The following PTCHD4 variants were observed in gnomAD, a reference collection of about 807,000 sequenced individuals.
The protein encoded by PTCHD4 is patched domain-containing protein 4.
In PTCHD4, 33 loss-of-function variants were observed where a neutral mutation model predicts 58.1. The ratio of observed to expected loss-of-function variants is 0.57; its 90% confidence interval spans 0.43 to 0.76. The LOEUF is 0.76. PTCHD4 is among the 30% of genes least tolerant of loss of function. The pLI is 0.00. For synonymous variants in PTCHD4, 478 were observed against 409.6 expected, an observed-to-expected ratio of 1.17 and a Z score of -2.02; for missense variants, 1,058 against 1,027.1, an observed-to-expected ratio of 1.03 and a Z score of -0.41.
intron 4 of PTCHD4, among the ~76,000 whole-genome samples, chr6:47,999,980 C>T (rs1229145391): frequency 6.6e-6 from 1 of 152,158 alleles, no homozygotes; most frequent in African/African-American, 2.4e-5. Flanking sequence ...TTTCTATACT[C>T]CGTGCTGTTG....
At chr6:47,988,424 A>G (rs1008909990) in intron 4 of PTCHD4, among the ~76,000 whole-genome samples, 2 of 152,228 alleles carry the variant, frequency 1.3e-5, no homozygotes, top group Non-Finnish European at 2.9e-5. Flanking sequence ...TATACCAATG[A>G]CAAACAGCAG....
At position 48,068,133 on chromosome 6, in the gene PTCHD4, C is replaced by T. The variant is rs1349794771; in HGVS notation, c.417+97G>A. The T allele has an allele frequency of 1.5e-6, 2 of 1,351,768 alleles. No homozygotes were observed. The highest frequency in any genetic ancestry group is 2.9e-5 in the African/African-American group (2 of 68,538). 83.7% of individuals were successfully genotyped at this position (1,351,768 alleles called of 1,614,324 possible). ...GAGACGGCAGCCTGCCTGAGATCCT[C>T]TAGCACTGAAATAATATCATCCAGC... is the stretch of plus-strand genomic sequence containing the variant. On this transcript the variant is annotated intron_variant, in intron 3 of 4. Coordinates refer to ENST00000339488, the MANE Select transcript of PTCHD4 (RefSeq NM_001384253.1). The surrounding 1 kb of genome is among the most constrained non-coding windows in gnomAD (Gnocchi z 4.2).
At chr6:48,012,879 T>A (rs113909879) in intron 3 of PTCHD4, among the ~76,000 whole-genome samples, 9,193 of 152,268 alleles carry the variant, frequency 0.06, 382 homozygotes, top group African/African-American at 0.11. Flanking sequence ...TTACATTTAT[T>A]GATTTGCATA....
chr6:47,925,359 C>T (rs1765574331), intron 4 of PTCHD4, among the ~76,000 whole-genome samples: 1 of 152,006 alleles, frequency 6.6e-6, no homozygotes, highest in Admixed American at 6.6e-5. Flanking sequence ...TGTTGATATT[C>T]CTATATCATG....
chr6:47,887,984 C>T (rs1189969355), intron 4 of PTCHD4, among the ~76,000 whole-genome samples: 1 of 152,150 alleles, frequency 6.6e-6, no homozygotes, highest in East Asian at 1.9e-4. Flanking sequence ...GAGGGAGGGC[C>T]TCGCTTTATC....
chr6:47,874,160 C>T lies in PTCHD4; in HGVS notation c.*4143G>A, dbSNP rs1249389639. On this transcript the variant is annotated 3_prime_UTR_variant, in exon 5 of 5. Coordinates refer to ENST00000339488, the MANE Select transcript of PTCHD4 (RefSeq NM_001384253.1). ...ATACAGAATATACTAGGCCCTTTGC[C>T]TGGAAGCCAGATTTCACTTCTGAGA... Among the ~76,000 whole-genome samples the T allele has an allele frequency of 1.3e-5, 2 of 151,688 alleles. No individual in the cohort carries two copies. Among genetic ancestry groups the T allele is most frequent in the Non-Finnish European group, 3.0e-5 (2 of 67,788 alleles).
chr6:47,897,383 A>G (rs1271186841), intron 4 of PTCHD4, among the ~76,000 whole-genome samples: 2 of 152,202 alleles, frequency 1.3e-5, no homozygotes, highest in Admixed American at 6.5e-5. Context: ...GCTTGCTCTC[A>G]GCTTTCTCAT....
intron 3 of PTCHD4, among the ~76,000 whole-genome samples, chr6:48,009,403 G>A (rs45550740): frequency 0.015 from 2,311 of 152,232 alleles, 34 homozygotes; most frequent in Non-Finnish European, 0.025. Context: ...CTCATATCCC[G>A]ATTCCCAACA....
chr6:47,873,006 A>G lies in PTCHD4; in HGVS notation c.*5297T>C, dbSNP rs924985502. On this transcript the variant is annotated 3_prime_UTR_variant, in exon 5 of 5. Coordinates refer to ENST00000339488, the MANE Select transcript of PTCHD4 (RefSeq NM_001384253.1). ...TCACAAAATATAGTCAATGAGAGCC[A>G]CTCTGGGAATGAATGATGCTTATGT... Among the ~76,000 whole-genome samples, 1 of 151,672 alleles carries G rather than the reference A, an allele frequency of 6.6e-6. No homozygotes were observed. The highest frequency in any genetic ancestry group is 2.4e-5 in the African/African-American group (1 of 41,368).
At chr6:47,999,248 G>A (rs1768621208) in intron 4 of PTCHD4, among the ~76,000 whole-genome samples, 2 of 152,182 alleles carry the variant, frequency 1.3e-5, no homozygotes, top group African/African-American at 4.8e-5. Context: ...GGCAGGAGCT[G>A]GACTGGACTC....
chr6:47,911,794 A>G (rs542840455), intron 4 of PTCHD4, among the ~76,000 whole-genome samples: 3 of 152,238 alleles, frequency 2.0e-5, no homozygotes, highest in African/African-American at 7.2e-5. Flanking sequence ...AGACTGAGCT[A>G]GAGATGAATT....
Position 47,860,039 on chromosome 6 carries a change from G to A in PTCHD4, c.*18264C>T, listed in dbSNP as rs764935621. Among the ~76,000 whole-genome samples, 26 of 151,990 alleles carry A rather than the reference G, an allele frequency of 1.7e-4. No homozygotes were observed. The highest frequency in any genetic ancestry group is 3.1e-4 in the Non-Finnish European group (21 of 67,952). On this transcript the variant is annotated 3_prime_UTR_variant, in exon 5 of 5. Transcript: ENST00000339488. ...ATGTCTGTGAAGAGATGGTTCTTTTGTTTAGGCAGATAAAATGCCTTCTTC... is the reference window on the plus strand; with the variant it reads ...ATGTCTGTGAAGAGATGGTTCTTTTATTTAGGCAGATAAAATGCCTTCTTC...
At chr6:48,079,154 A>G (rs887302945) in intron 1 of PTCHD4, among the ~76,000 whole-genome samples, 1 of 151,410 alleles carries the variant, frequency 6.6e-6, no homozygotes, top group Admixed American at 6.6e-5. Flanking sequence ...ATATTTTCCC[A>G]AAAGTGTATG....
intron 3 of PTCHD4, among the ~76,000 whole-genome samples, chr6:48,062,972 T>C (rs1223226725): frequency 6.6e-6 from 1 of 152,156 alleles, no homozygotes; most frequent in Non-Finnish European, 1.5e-5. Context: ...ACACAATTGA[T>C]CCTTAAAGAA....
chr6:48,003,577 C>G (rs1278027361), intron 4 of PTCHD4, among the ~76,000 whole-genome samples: 1 of 152,190 alleles, frequency 6.6e-6, no homozygotes, highest in Non-Finnish European at 1.5e-5. Flanking sequence ...TTGCAATAAC[C>G]TGTTAAATAG....
chr6:47,924,940 C>T (rs985120498), intron 4 of PTCHD4, among the ~76,000 whole-genome samples: 11 of 147,516 alleles, frequency 7.5e-5, no homozygotes, highest in African/African-American at 2.8e-4. Context: ...TACAAGCAGA[C>T]ATTTTATATA....
intron 4 of PTCHD4, among the ~76,000 whole-genome samples, chr6:47,952,752 T>G (rs1392077332): frequency 6.6e-6 from 1 of 152,070 alleles, no homozygotes; most frequent in African/African-American, 2.4e-5. Context: ...ATAGCCAAAG[T>G]GTGTATTAGG....
rs1463895675 is a variant in PTCHD4, at chr6:47,871,207, T to C, written c.*7096A>G. 2.6e-5 allele frequency among the ~76,000 whole-genome samples: 4 copies of C among 151,628 alleles called. No individual in the cohort carries two copies. Among genetic ancestry groups the C allele is most frequent in the South Asian group, 2.1e-4 (1 of 4,834 alleles). On this transcript the variant is annotated 3_prime_UTR_variant, in exon 5 of 5. Coordinates refer to ENST00000339488, the MANE Select transcript of PTCHD4 (RefSeq NM_001384253.1). ...CTTTTCACTGATGCTAATGTTTCCG[T>C]AAGTGACTTGTGTTTTAAAAACCCC...
chr6:47,957,999 G>C (rs1291401348), intron 4 of PTCHD4, among the ~76,000 whole-genome samples: 1 of 151,976 alleles, frequency 6.6e-6, no homozygotes, highest in Non-Finnish European at 1.5e-5. Flanking sequence ...TTTTCCAAAA[G>C]CATATTATGC....
Sources: allele counts gnomAD v4.1 joint callset (sites outside exome capture counted in the v4.1 genomes callset), GRCh38; gene constraint gnomAD v4.1.1; non-coding constraint Gnocchi (gnomAD v3.1); transcripts MANE v1.5; gene names NCBI Gene and HGNC (gene_info 2026-07-23, HGNC 2026-07-21).